Variants in TFEC observed in about 807,000 individuals in gnomAD.
TFEC encodes class E basic helix-loop-helix protein 34.
Under a neutral mutation model 41.6 loss-of-function variants are expected in TFEC, and 31 were observed. The observed-to-expected ratio is 0.74, with a 90% CI of 0.56 to 1.01. The LOEUF (loss-of-function observed/expected upper bound fraction) is 1.01, where lower values mean the gene tolerates loss of function less well. TFEC is among the 50% of genes least tolerant of loss of function. TFEC has a pLI of 0.00. For missense variants in TFEC, 402 were observed against 404.1 expected (o/e 0.99, Z 0.04); for synonymous variants, 143 against 140.6 (o/e 1.02, Z -0.12).
intron 1 of TFEC, among the ~76,000 whole-genome samples, chr7:115,999,790 C>A (rs1356169505): frequency 8.3e-6 from 1 of 119,806 alleles, no homozygotes; most frequent in Non-Finnish European, 1.7e-5. Context: ...CGAAGAAATC[C>A]AAAATCTGAA....
At chr7:115,974,406 T>TTTTATA (rs1793278127) in intron 2 of TFEC, 150 bp from the exon 3 acceptor site, 1 of 65,006 alleles carries the variant, frequency 1.5e-5, no homozygotes, top group South Asian at 7.5e-4. Context: ...AACCTCAATA[T>TTTTATA]TATATATATA....
At chr7:116,075,378 C>T (rs914380672) in intron 3 of TFEC, among the ~76,000 whole-genome samples, 1 of 152,170 alleles carries the variant, frequency 6.6e-6, no homozygotes, top group African/African-American at 2.4e-5. Flanking sequence ...AGGGAATCCA[C>T]AGACCCTTTG....
At chr7:116,078,571 CTAGGAAACT>C (rs1797014600) in intron 3 of TFEC, among the ~76,000 whole-genome samples, 1 of 151,910 alleles carries the variant, frequency 6.6e-6, no homozygotes, top group Admixed American at 6.6e-5. Flanking sequence ...CATGCATACT[CTAGGAAACT>C]TAGAGAAGAT....
At chr7:116,081,229 G>A (rs1036057988) in intron 3 of TFEC, among the ~76,000 whole-genome samples, 3 of 151,896 alleles carry the variant, frequency 2.0e-5, no homozygotes, top group South Asian at 4.2e-4. Flanking sequence ...AAAGGTGGGA[G>A]GGGGTGAGGG....
At chr7:116,068,706 A>T (rs1796753717) in intron 3 of TFEC, among the ~76,000 whole-genome samples, 1 of 151,766 alleles carries the variant, frequency 6.6e-6, no homozygotes, top group Non-Finnish European at 1.5e-5. Flanking sequence ...CTTAATGAGA[A>T]TTAATAAATC....
At chr7:116,126,190 G>GA (rs1277582435) in intron 1 of TFEC, among the ~76,000 whole-genome samples, 1 of 151,764 alleles carries the variant, frequency 6.6e-6, no homozygotes, top group African/African-American at 2.4e-5. Context: ...GGGGATAAAA[G>GA]AAAAAAACAA....
intron 3 of TFEC, among the ~76,000 whole-genome samples, chr7:116,099,101 G>A (rs1797543449): frequency 6.6e-6 from 1 of 152,122 alleles, no homozygotes; most frequent in African/African-American, 2.4e-5. Flanking sequence ...GTTTTTCTCT[G>A]TGAAAGATCT....
chr7:116,096,313 A>G (rs981355169), intron 3 of TFEC, among the ~76,000 whole-genome samples: 1 of 152,172 alleles, frequency 6.6e-6, no homozygotes, highest in Non-Finnish European at 1.5e-5. Context: ...TTGTATTGCT[A>G]TTACCTTCAT....
At chr7:116,139,433 C>T (rs1798496615) in intron 1 of TFEC, among the ~76,000 whole-genome samples, 1 of 152,196 alleles carries the variant, frequency 6.6e-6, no homozygotes, top group Admixed American at 6.5e-5. Context: ...AACAAACCTT[C>T]TCCGTTCAAG....
chr7:116,018,601 G>C (rs753976509), intron 1 of TFEC, among the ~76,000 whole-genome samples: 7 of 152,172 alleles, frequency 4.6e-5, no homozygotes, highest in Non-Finnish European at 7.4e-5. Context: ...AAAAAATAGA[G>C]CTGAGGCTCA....
chr7:115,995,492 T>C (rs1794327075), intron 1 of TFEC, among the ~76,000 whole-genome samples: 1 of 152,198 alleles, frequency 6.6e-6, no homozygotes, highest in African/African-American at 2.4e-5. Context: ...TTAGGAATAT[T>C]ATTTGGTTGT....
At chr7:116,147,526 G>A (rs1484675897) in intron 1 of TFEC, among the ~76,000 whole-genome samples, 1 of 151,816 alleles carries the variant, frequency 6.6e-6, no homozygotes, top group Non-Finnish European at 1.5e-5. Context: ...TTTACATTAG[G>A]TATATCTCCT....
chr7:116,097,769 T>C (rs1048173754), intron 3 of TFEC, among the ~76,000 whole-genome samples: 1 of 152,096 alleles, frequency 6.6e-6, no homozygotes, highest in African/African-American at 2.4e-5. Context: ...AAACTGTGAA[T>C]AAAGGAAGAT....
intron 3 of TFEC, among the ~76,000 whole-genome samples, chr7:116,088,527 G>C (rs745442010): frequency 6.6e-6 from 1 of 151,946 alleles, no homozygotes; most frequent in Non-Finnish European, 1.5e-5. Flanking sequence ...TGGTTGTATT[G>C]GTCAATTGAG....
chr7:116,107,842 C>CTTAG (rs1305940914), intron 3 of TFEC, among the ~76,000 whole-genome samples: 2 of 152,128 alleles, frequency 1.3e-5, no homozygotes, highest in African/African-American at 4.8e-5. Context: ...ATCTCTGAGC[C>CTTAG]TTAGTTCAAA....
chr7:116,010,775 T>C (rs1296809029), intron 1 of TFEC, among the ~76,000 whole-genome samples: 2 of 151,590 alleles, frequency 1.3e-5, no homozygotes, highest in Non-Finnish European at 2.9e-5. Flanking sequence ...CCTTATTGAA[T>C]TTTTTTGCGT....
Position 116,078,614 on chromosome 7 carries a change from A to G in TFEC, c.198+32094T>C, listed in dbSNP as rs184661893. Among the ~76,000 whole-genome samples the G allele has an allele frequency of 2.1e-4, 32 of 152,188 alleles. 1 individual carries two copies. The highest frequency in any genetic ancestry group is 7.2e-4 in the African/African-American group (30 of 41,546). On this transcript the variant is annotated intron_variant, in intron 3 of 8. Coordinates refer to the TFEC transcript ENST00000484212. ...ATGGATAAATTCTTGGAAATATACA[A>G]CCCTCCTAGATTAAACCAGGAAGAT... is the stretch of plus-strand genomic sequence containing the variant.
chr7:116,065,647 T>C (rs1297097824), intron 3 of TFEC, among the ~76,000 whole-genome samples: 1 of 152,066 alleles, frequency 6.6e-6, no homozygotes, highest in Non-Finnish European at 1.5e-5. Context: ...GAGTTGCTTC[T>C]GAGACAGGGA....
chr7:116,018,288 C>A (rs751494688), intron 1 of TFEC, among the ~76,000 whole-genome samples: 1 of 152,160 alleles, frequency 6.6e-6, no homozygotes. Flanking sequence ...TTCCAGAGTT[C>A]ATACTCTTCA....
Sources: allele counts gnomAD v4.1 joint callset (sites outside exome capture counted in the v4.1 genomes callset), GRCh38; gene constraint gnomAD v4.1.1; transcripts MANE v1.5; gene names NCBI Gene and HGNC (gene_info 2026-07-23, HGNC 2026-07-21).